Variants in CNTRL observed in about 807,000 individuals in gnomAD.
CNTRL encodes the protein 110 kDa centrosomal protein.
Under a neutral mutation model 303.7 loss-of-function variants are expected in CNTRL, and 233 were observed. The ratio of observed to expected loss-of-function variants is 0.77; its 90% CI spans 0.69 to 0.86. The LOEUF (loss-of-function observed/expected upper bound fraction) is 0.86, where lower values mean the gene tolerates loss of function less well. Ranked by LOEUF, CNTRL falls within the 40% of genes least tolerant of loss-of-function variation. CNTRL has a pLI of 0.00. For synonymous variants in CNTRL, 900 were observed against 922.2 expected (o/e 0.98, Z 0.44); for missense variants, 2,524 against 2,650.6 (o/e 0.95, Z 1.05).
chr9:121,125,004 C>T (rs182936271), intron 13 of CNTRL, among the ~76,000 whole-genome samples: 57 of 151,186 alleles, frequency 3.8e-4, no homozygotes, highest in Non-Finnish European at 7.8e-4. Flanking sequence ...AGTGCGTATC[C>T]AGTACTGTAC....
chr9:121,111,480 T>C (rs2049745055), intron 8 of CNTRL, among the ~76,000 whole-genome samples: 1 of 152,124 alleles, frequency 6.6e-6, no homozygotes, highest in South Asian at 2.1e-4. Context: ...ACGACTTTGA[T>C]TTCCTGGGCC....
At chr9:121,101,837 C>G (rs964991790) in intron 7 of CNTRL, among the ~76,000 whole-genome samples, 1 of 152,156 alleles carries the variant, frequency 6.6e-6, no homozygotes, top group African/African-American at 2.4e-5. Flanking sequence ...TACACCCTCC[C>G]AAGACTAAAC....
At chr9:121,156,585 A>G (rs1380283137) in intron 27 of CNTRL, among the ~76,000 whole-genome samples, 3 of 152,150 alleles carry the variant, frequency 2.0e-5, no homozygotes, top group Non-Finnish European at 2.9e-5. Context: ...TTAATAGGCA[A>G]ATTTAACATA....
rs771813737 is a variant in CNTRL, at chr9:121,144,094, T to G, written c.3051+12T>G. 2 of 1,586,050 alleles carry G rather than the reference T, an allele frequency of 1.3e-6. No individual in the cohort carries two copies. The highest frequency in any genetic ancestry group is 1.7e-6 in the Non-Finnish European group (2 of 1,167,632). Reference sequence around the variant, plus strand: ...AGGAGCGAGCAGAGGTGAGTTCACATGTACAGAACAGGTTTCCATCAATGA... The same window carrying G: ...AGGAGCGAGCAGAGGTGAGTTCACAGGTACAGAACAGGTTTCCATCAATGA... On this transcript the variant is annotated intron_variant, in intron 20 of 43. Transcript: ENST00000373855.
chr9:121,167,732 C>G, intron 37 of CNTRL, 55 bp downstream of exon 37: 1 of 1,487,530 alleles, frequency 6.7e-7, no homozygotes, highest in Non-Finnish European at 9.2e-7. Context: ...TCATGTGAGC[C>G]TATTTTTCCC....
Position 121,123,990 on chromosome 9 carries a change from G to A in CNTRL, c.1710G>A (p.Gln570=). The A allele has an allele frequency of 1.2e-6, 2 of 1,613,158 alleles. No individual in the cohort carries two copies. Among genetic ancestry groups the A allele is most frequent in the Non-Finnish European group, 1.7e-6 (2 of 1,179,544 alleles). ...AACAGCTTGACATTATGAACAAGCA[G>A]TACCAACAACTTGAAAGTCGTTTGG... ...KEQQLDIMNK[Q]YQQLESRLDE... is the part of the protein sequence containing the mutation. The change falls in exon 13 of 44, where the codon CAG becomes CAA. Residue 570 remains glutamine (Q), a synonymous_variant. Transcript: ENST00000373855.
At chr9:121,123,647 G>A (rs549125365) in intron 12 of CNTRL, among the ~76,000 whole-genome samples, 5 of 152,060 alleles carry the variant, frequency 3.3e-5, no homozygotes, top group African/African-American at 9.6e-5. Context: ...ACAATTTAAT[G>A]CAACGCAAAT....
chr9:121,099,158 A>G (rs1374913222), intron 7 of CNTRL, among the ~76,000 whole-genome samples: 4 of 152,208 alleles, frequency 2.6e-5, no homozygotes, highest in Admixed American at 2.6e-4. Context: ...ACTGGGAGGC[A>G]TCTCCCAGTA....
intron 12 of CNTRL, among the ~76,000 whole-genome samples, chr9:121,123,351 C>T (rs2050338152): frequency 3.3e-5 from 5 of 151,992 alleles, no homozygotes; most frequent in South Asian, 2.1e-4. Context: ...AGGCCAAGGC[C>T]GGCAGATCAC....
In CNTRL at chr9:121,171,547, A is replaced by G; in HGVS notation, c.6416A>G (p.Gln2139Arg). The G allele has an allele frequency of 6.2e-7, 1 of 1,613,130 alleles. No homozygotes were observed. Among genetic ancestry groups the G allele is most frequent in the Non-Finnish European group, 8.5e-7 (1 of 1,179,506 alleles). The stretch of plus-strand genomic sequence containing the variant: ...TATGAGTACACGGAGCTCAAGAAAC[A>G]GGTGTGTGCCCAGAAAGCCCAGCTG... ...MQYEYTELKK[Q>R]MANQKDLERR... Residue 2139 changes from glutamine (Q) to arginine (R), a missense_variant and splice_region_variant, in exon 40 of 44, where the codon CAG becomes CGG. Transcript: ENST00000373855.
In CNTRL at chr9:121,148,079, A is replaced by G. The variant is rs138676963; in HGVS notation, c.3460-593A>G. Among the ~76,000 whole-genome samples, 30 of 152,318 alleles carry G rather than the reference A, an allele frequency of 2.0e-4. No individual in the cohort carries two copies. The Middle Eastern group carries it at 0.01, about 52-fold the overall frequency. ...CAAGGATGAGGTTAAAAACAAAACAAAACAAAAAACCACTAGGAAAAATGA... is the reference window on the plus strand; with the variant it reads ...CAAGGATGAGGTTAAAAACAAAACAGAACAAAAAACCACTAGGAAAAATGA... On this transcript the variant is annotated intron_variant, in intron 23 of 43. Coordinates refer to ENST00000373855, the MANE Select transcript of CNTRL (RefSeq NM_007018.6).
intron 7 of CNTRL, among the ~76,000 whole-genome samples, chr9:121,102,512 A>G (rs970163334): frequency 1.3e-5 from 2 of 151,892 alleles, no homozygotes; most frequent in Admixed American, 1.3e-4. Flanking sequence ...CTCTCTCACC[A>G]CTCCTATTCA....
intron 6 of CNTRL, 58 bp downstream of exon 6, chr9:121,096,621 AT>A (rs1276498847): frequency 1.3e-5 from 17 of 1,302,206 alleles, no homozygotes; most frequent in Admixed American, 2.7e-5. Flanking sequence ...AAGATTAAAA[AT>A]ATCTAAGTTT....
In CNTRL at chr9:121,118,532, C is replaced by T. The variant is rs373578061; in HGVS notation, c.1642C>T (p.Pro548Ser). The T allele has an allele frequency of 3.8e-6, 6 of 1,587,788 alleles. No individual in the cohort carries two copies. Among genetic ancestry groups the T allele is most frequent in the Non-Finnish European group, 5.1e-6 (6 of 1,167,438 alleles). ...CATAGATAGCCTGGATTCCAAAGAC[C>T]CAAAACATGTGAGTAAATTAAGAAA... ...IAIDSLDSKD[P>S]KHSHMKAQKS... Residue 548 changes from proline (P) to serine (S), a missense_variant, in exon 12 of 44, where the codon CCA (proline) becomes TCA (serine). Transcript: ENST00000373855.
chr9:121,129,804 G>A (rs1024277823), intron 14 of CNTRL, among the ~76,000 whole-genome samples: 3 of 152,114 alleles, frequency 2.0e-5, no homozygotes, highest in South Asian at 2.1e-4. Flanking sequence ...TTTGAGATAC[G>A]TGCCATCAAT....
intron 14 of CNTRL, among the ~76,000 whole-genome samples, chr9:121,130,183 T>C (rs546701015): frequency 6.6e-6 from 1 of 152,348 alleles, no homozygotes; most frequent in South Asian, 2.1e-4. Flanking sequence ...TTCTATTCAT[T>C]GGAAGAGTTT....
chr9:121,133,717 T>G (rs777673140), intron 14 of CNTRL, among the ~76,000 whole-genome samples: 1 of 152,204 alleles, frequency 6.6e-6, no homozygotes, highest in Non-Finnish European at 1.5e-5. Flanking sequence ...AATGCAGAAA[T>G]CACCCGTCGT....
intron 30 of CNTRL, chr9:121,158,448 T>C: frequency 4.1e-6 from 1 of 245,682 alleles, no homozygotes; most frequent in Non-Finnish European, 7.8e-6. Flanking sequence ...TGCATGGTCT[T>C]CTTTTTTTTT....
intron 1 of CNTRL, among the ~76,000 whole-genome samples, chr9:121,076,626 G>A (rs938579747): frequency 6.6e-6 from 1 of 152,012 alleles, no homozygotes; most frequent in African/African-American, 2.4e-5. Flanking sequence ...TAGAGAAATG[G>A]GGGAGACTAT....
Sources: gnomAD v4.1 joint callset for allele counts (sites outside exome capture counted in the v4.1 genomes callset) on GRCh38, gnomAD v4.1.1 for gene constraint, MANE v1.5 for transcripts, NCBI Gene and HGNC (gene_info 2026-07-23, HGNC 2026-07-21) for gene names.